ENOX1: variants seen among roughly 807,000 people sequenced by gnomAD.
ENOX1 encodes candidate growth-related and time keeping constitutive hydroquinone (NADH) oxidase.
In ENOX1, 42 loss-of-function variants were observed where a neutral mutation model predicts 82.5. The ratio of observed to expected loss-of-function variants is 0.51; its 90% confidence interval spans 0.40 to 0.66. The LOEUF (loss-of-function observed/expected upper bound fraction) is 0.66, where lower values mean the gene tolerates loss of function less well. ENOX1 is among the 30% of genes least tolerant of loss of function. The probability of loss-of-function intolerance (pLI) is 0.00; values close to 1 mark genes in which losing one functional copy is unlikely to be tolerated. For missense variants in ENOX1, 608 were observed against 811.6 expected, an observed-to-expected ratio of 0.75 and a Z score of 3.05; for synonymous variants, 271 against 282.2, an observed-to-expected ratio of 0.96 and a Z score of 0.40.
intron 3 of ENOX1, among the ~76,000 whole-genome samples, chr13:43,461,025 G>A (rs2057462092): frequency 6.6e-6 from 1 of 152,088 alleles, no homozygotes; most frequent in Non-Finnish European, 1.5e-5. Flanking sequence ...TGACCTTTAA[G>A]TTTCCTTTAC....
At chr13:43,534,637 G>C (rs562908737) in intron 2 of ENOX1, among the ~76,000 whole-genome samples, 1 of 152,112 alleles carries the variant, frequency 6.6e-6, no homozygotes, top group Non-Finnish European at 1.5e-5. Context: ...GACCACAGTA[G>C]GAATGGGTGC....
chr13:43,449,673 TG>T (rs926812645), intron 3 of ENOX1, among the ~76,000 whole-genome samples: 3 of 151,700 alleles, frequency 2.0e-5, no homozygotes, highest in Non-Finnish European at 4.4e-5. Flanking sequence ...TACTTCTTAT[TG>T]TTTTTTTTTT....
chr13:43,280,932 C>T (rs1254387102), intron 12 of ENOX1, among the ~76,000 whole-genome samples: 1 of 152,148 alleles, frequency 6.6e-6, no homozygotes, highest in African/African-American at 2.4e-5. Context: ...AAGTTTGCTC[C>T]TTCCCCCAAA....
In ENOX1 at chr13:43,777,529, C is replaced by G. The variant is rs148140087; in HGVS notation, c.-285+9123G>C. Among the ~76,000 whole-genome samples, 78 of 150,208 alleles carry G rather than the reference C, an allele frequency of 5.2e-4. No homozygotes were observed. In the Middle Eastern group the frequency reaches 0.01, roughly 20 times the overall value. ...TCTTTGTGCAAAGATATCACAGGATCTCTCTGTATTATTTCTTTTTTTTTT... is the reference window on the plus strand; with the variant it reads ...TCTTTGTGCAAAGATATCACAGGATGTCTCTGTATTATTTCTTTTTTTTTT... On this transcript the variant is annotated intron_variant, in intron 1 of 16. Coordinates refer to ENST00000690772, the MANE Select transcript of ENOX1 (RefSeq NM_001347969.2).
At chr13:43,579,557 C>CT (rs2080608441) in intron 2 of ENOX1, among the ~76,000 whole-genome samples, 1 of 152,168 alleles carries the variant, frequency 6.6e-6, no homozygotes, top group East Asian at 1.9e-4. Flanking sequence ...ACTTGCAGAA[C>CT]TTCCTGTTTA....
At chr13:43,270,274 A>G (rs1593629061) in intron 12 of ENOX1, among the ~76,000 whole-genome samples, 2 of 152,190 alleles carry the variant, frequency 1.3e-5, no homozygotes, top group African/African-American at 4.8e-5. Context: ...TCTTTGGGAC[A>G]TGGTGATATG....
At chr13:43,644,326 A>G (rs1195843989) in intron 2 of ENOX1, among the ~76,000 whole-genome samples, 2 of 152,188 alleles carry the variant, frequency 1.3e-5, no homozygotes, top group East Asian at 3.9e-4. Flanking sequence ...AATTTAAGGC[A>G]ACCCTTGCAT....
intron 1 of ENOX1, among the ~76,000 whole-genome samples, chr13:43,687,102 A>G (rs2086116412): frequency 6.6e-6 from 1 of 152,204 alleles, no homozygotes; most frequent in Non-Finnish European, 1.5e-5. Flanking sequence ...CTAAATTACA[A>G]TGCTTACCAT....
chr13:43,677,706 G>A (rs979337589), intron 1 of ENOX1, among the ~76,000 whole-genome samples: 2 of 152,022 alleles, frequency 1.3e-5, no homozygotes, highest in Non-Finnish European at 2.9e-5. Context: ...GTATCTTTTA[G>A]TTCTCACAAT....
intron 1 of ENOX1, among the ~76,000 whole-genome samples, chr13:43,781,974 T>C (rs193197111): frequency 2.6e-4 from 40 of 152,312 alleles, no homozygotes; most frequent in African/African-American, 9.1e-4. Flanking sequence ...TTAGCAATCA[T>C]CCCATTTGGG....
chr13:43,514,639 C>T (rs1433810835), intron 2 of ENOX1, among the ~76,000 whole-genome samples: 1 of 152,142 alleles, frequency 6.6e-6, no homozygotes, highest in African/African-American at 2.4e-5. Flanking sequence ...ATTAACTCTT[C>T]CATACTCAGT....
Position 43,597,682 on chromosome 13 carries a change from G to A in ENOX1, c.-219+69797C>T, listed in dbSNP as rs760460018. On this transcript the variant is annotated intron_variant, in intron 2 of 16. Coordinates refer to ENST00000690772, the MANE Select transcript of ENOX1 (RefSeq NM_001347969.2). ...CTTGCTAAAATGTTTTGTCAGACAT[G>A]TCACTCTTCTGCTCAAAACCCTGCA... Among the ~76,000 whole-genome samples, 58 of 152,134 alleles carry A rather than the reference G, an allele frequency of 3.8e-4. 1 individual carries two copies. Among genetic ancestry groups the A allele is most frequent in the Non-Finnish European group, 1.8e-4 (12 of 68,034 alleles).
At chr13:43,510,977 C>T (rs540111911) in intron 2 of ENOX1, among the ~76,000 whole-genome samples, 27 of 152,204 alleles carry the variant, frequency 1.8e-4, no homozygotes, top group East Asian at 1.2e-3. Flanking sequence ...GTCCATACTG[C>T]GAACTTTTTC....
intron 5 of ENOX1, among the ~76,000 whole-genome samples, chr13:43,371,491 C>G (rs2051241282): frequency 6.6e-6 from 1 of 152,126 alleles, no homozygotes; most frequent in Admixed American, 6.5e-5. Context: ...TTTATAACAG[C>G]AGAGATGGTA....
At chr13:43,285,307 A>ATT (rs2045631245) in intron 12 of ENOX1, among the ~76,000 whole-genome samples, 1 of 152,196 alleles carries the variant, frequency 6.6e-6, no homozygotes, top group African/African-American at 2.4e-5. Flanking sequence ...GTTTATATAT[A>ATT]TATGGAGAAA....
chr13:43,398,864 T>C (rs976256692), intron 5 of ENOX1, among the ~76,000 whole-genome samples: 2 of 151,108 alleles, frequency 1.3e-5, no homozygotes, highest in Non-Finnish European at 2.9e-5. Flanking sequence ...AGCACGATCA[T>C]GGTTCACTGT....
rs981541898 is a variant in ENOX1, at chr13:43,647,252, T to C, written c.-219+20227A>G. On this transcript the variant is annotated intron_variant, in intron 2 of 16. Transcript: ENST00000690772. The stretch of plus-strand genomic sequence containing the variant: ...ACCTTTGTGTGCCTTAGTGTCATCA[T>C]GTGTAAAATGGGGATAATAATAGTG... Among the ~76,000 whole-genome samples, 16 of 152,350 alleles carry C rather than the reference T, an allele frequency of 1.1e-4. 1 individual carries two copies. In the South Asian group the frequency reaches 1.4e-3, roughly 14 times the overall value.
intron 5 of ENOX1, among the ~76,000 whole-genome samples, chr13:43,403,122 G>C (rs2053590440): frequency 6.6e-6 from 1 of 152,124 alleles, no homozygotes; most frequent in Non-Finnish European, 1.5e-5. Context: ...AGTCTAGTGA[G>C]TAAGAATGTG....
At chr13:43,682,014 C>T (rs2085813684) in intron 1 of ENOX1, among the ~76,000 whole-genome samples, 1 of 152,100 alleles carries the variant, frequency 6.6e-6, no homozygotes, top group Non-Finnish European at 1.5e-5. Context: ...CTGCTCCTTA[C>T]TCCCAGCCTT....
Sources: allele counts gnomAD v4.1 joint callset (sites outside exome capture counted in the v4.1 genomes callset), GRCh38; gene constraint gnomAD v4.1.1; transcripts MANE v1.5; gene names NCBI Gene and HGNC (gene_info 2026-07-23, HGNC 2026-07-21).